The following IFT74 variants were observed in gnomAD, a reference collection of about 807,000 sequenced individuals.
IFT74 encodes intraflagellar transport protein 74 homolog.
IFT74 carries 92 observed loss-of-function variants against 96.7 expected under a neutral mutation model. The ratio of observed to expected loss-of-function variants is 0.95; its 90% CI spans 0.80 to 1.13. The LOEUF (loss-of-function observed/expected upper bound fraction) is 1.13, where lower values mean the gene tolerates loss of function less well. Among genes scored for constraint, IFT74 ranks in the 50% most tolerant of loss-of-function variants. IFT74 has a pLI of 0.00. For synonymous variants in IFT74, 223 were observed against 213.2 expected (o/e 1.05, Z -0.40); for missense variants, 811 against 698.2 (o/e 1.16, Z -1.82).
In IFT74 at chr9:27,044,719, G is replaced by T. The variant is rs143874150; in HGVS notation, c.1055-23G>T. The T allele has an allele frequency of 1.3e-4, 186 of 1,479,480 alleles. 1 individual carries two copies. The African/African-American group carries it at 1.8e-3, about 14-fold the overall frequency. The allele number at this position is 1,479,480 out of a possible 1,614,324, so 91.6% of individuals were successfully genotyped here. A position where few individuals can be genotyped will look rare whatever the true frequency, so the allele number is the denominator to read the frequency against. ...TGTATGTGCAATTTTTGAAATTCATGTTGTATTTTATATCTCTCATAGGTG... is the reference window on the plus strand; with the variant it reads ...TGTATGTGCAATTTTTGAAATTCATTTTGTATTTTATATCTCTCATAGGTG... On this transcript the variant is annotated intron_variant, in intron 13 of 19. Coordinates refer to ENST00000380062, the MANE Select transcript of IFT74 (RefSeq NM_025103.4).
intron 8 of IFT74, among the ~76,000 whole-genome samples, chr9:26,998,915 A>G (rs1007595692): frequency 1.3e-5 from 2 of 152,134 alleles, no homozygotes; most frequent in Non-Finnish European, 2.9e-5. Flanking sequence ...AATCGCTTCA[A>G]CCCAGGAGGC....
chr9:27,032,622 C>A lies in IFT74; in HGVS notation c.1054+3518C>A, dbSNP rs12005743. ...GTGGCTCACGCCTGTAATCCCAGCA[C>A]TTTGGGAGGCTGAGGCAGGCGGATC... On this transcript the variant is annotated intron_variant, in intron 13 of 19. Transcript: ENST00000380062. Among the ~76,000 whole-genome samples the A allele has an allele frequency of 9.9e-3, 1,507 of 152,130 alleles. 29 individuals carry two copies. The highest frequency in any genetic ancestry group is 0.035 in the African/African-American group (1,436 of 41,504).
At position 27,062,792 on chromosome 9, in the gene IFT74, C is replaced by A. The variant is rs535158089; in HGVS notation, c.*56C>A. 157 of 833,174 alleles carry A rather than the reference C, an allele frequency of 1.9e-4. No homozygotes were observed. The East Asian group carries it at 3.6e-3, about 19-fold the overall frequency. The allele number at this position is 833,174 out of a possible 1,614,324, so 51.6% of individuals were successfully genotyped here. ...TATCCTCTTGCTGCTAAACTTGGTA[C>A]AAGTTGACTACCAAAAAAAAAAAAA... On this transcript the variant is annotated 3_prime_UTR_variant, in exon 20 of 20. Transcript: ENST00000380062.
intron 9 of IFT74, among the ~76,000 whole-genome samples, chr9:27,010,468 A>C (rs1587347863): frequency 6.9e-6 from 1 of 145,980 alleles, no homozygotes; most frequent in Non-Finnish European, 1.5e-5. Flanking sequence ...CCATCATTCT[A>C]CTACCCCCTT....
intron 12 of IFT74, among the ~76,000 whole-genome samples, chr9:27,023,337 G>C (rs974178921): frequency 1.3e-5 from 2 of 152,124 alleles, no homozygotes; most frequent in East Asian, 1.9e-4. Context: ...TGTCTCTTCT[G>C]TGCTGATTTT....
At chr9:27,042,244 A>T (rs1819514544) in intron 13 of IFT74, among the ~76,000 whole-genome samples, 2 of 152,196 alleles carry the variant, frequency 1.3e-5, no homozygotes, top group Admixed American at 1.3e-4. Context: ...TTCTTAAACC[A>T]CAAGAATGTA....
chr9:26,978,807 GCTAATTTCCTCATTTATATTAAT>G (rs1183562955), intron 3 of IFT74, among the ~76,000 whole-genome samples: 1 of 151,850 alleles, frequency 6.6e-6, no homozygotes, highest in Non-Finnish European at 1.5e-5. Flanking sequence ...AGGAAATGAG[GCTAATTTCCTCATTTATATTAAT>G]CTAATTTCCT....
At chr9:26,990,643 T>A (rs545908262) in intron 8 of IFT74, among the ~76,000 whole-genome samples, 1 of 152,362 alleles carries the variant, frequency 6.6e-6, no homozygotes, top group South Asian at 2.1e-4. Context: ...ATTGTATGTG[T>A]GTCTTTATAT....
intron 13 of IFT74, among the ~76,000 whole-genome samples, chr9:27,035,406 A>G (rs1819125360): frequency 6.6e-6 from 1 of 152,230 alleles, no homozygotes; most frequent in Non-Finnish European, 1.5e-5. Context: ...CAATCTAGAA[A>G]TTGTTTAAAC....
At chr9:27,044,343 C>T (rs921783392) in intron 13 of IFT74, among the ~76,000 whole-genome samples, 4 of 152,042 alleles carry the variant, frequency 2.6e-5, no homozygotes, top group Non-Finnish European at 5.9e-5. Flanking sequence ...GCAGTTAGTA[C>T]CTTTTAATTT....
At chr9:27,018,616 T>TA in intron 11 of IFT74, 31 bp from the exon 12 acceptor site, 2 of 1,320,716 alleles carry the variant, frequency 1.5e-6, no homozygotes, top group Non-Finnish European at 2.1e-6. Context: ...GTTATTTTTT[T>TA]AAATACTACT....
chr9:26,984,384 A>C, intron 5 of IFT74, 29 bp downstream of exon 5: 1 of 1,578,274 alleles, frequency 6.3e-7, no homozygotes, highest in South Asian at 1.2e-5. Flanking sequence ...GTATTCATTC[A>C]GTATTTTGTG....
Position 27,048,173 on chromosome 9 carries a change from C to T in IFT74, c.1232C>T (p.Ser411Phe). The T allele has an allele frequency of 6.3e-7, 1 of 1,597,320 alleles. No individual in the cohort carries two copies. Among genetic ancestry groups the T allele is most frequent in the Non-Finnish European group, 8.6e-7 (1 of 1,167,960 alleles). Residue 411 changes from serine (S) to phenylalanine (F), a missense_variant, in exon 16 of 20, where the codon TCC becomes TTC. By Grantham distance (155) the Ser-to-Phe change is radical. Transcript: ENST00000380062. Reference protein sequence around the residue: ...SRNINRIEQISSITNQELKMM... With the variant: ...SRNINRIEQIFSITNQELKMM... Reference sequence around the variant, plus strand: ...AATATAAATCGTATAGAACAGATATCCTCTATCACCAATCAAGAGCTAAAG... The same window carrying T: ...AATATAAATCGTATAGAACAGATATTCTCTATCACCAATCAAGAGCTAAAG...
chr9:27,004,924 A>C (rs1587334505), intron 8 of IFT74, among the ~76,000 whole-genome samples: 2 of 152,302 alleles, frequency 1.3e-5, no homozygotes, highest in South Asian at 4.1e-4. Context: ...ATAAAGTTTC[A>C]AGTACATGTT....
At chr9:27,048,044 C>A (rs998303232) in intron 15 of IFT74, 104 bp from the exon 16 acceptor site, 1 of 689,110 alleles carries the variant, frequency 1.5e-6, no homozygotes, top group Non-Finnish European at 2.2e-6. Flanking sequence ...AAAAAAAATA[C>A]CTGATCCAAA....
At chr9:26,966,036 A>G (rs1297834854) in intron 2 of IFT74, among the ~76,000 whole-genome samples, 1 of 151,954 alleles carries the variant, frequency 6.6e-6, no homozygotes, top group Non-Finnish European at 1.5e-5. Flanking sequence ...GTGTATATAT[A>G]TGTATATACA....
chr9:27,023,000 A>G (rs969414756), intron 12 of IFT74, among the ~76,000 whole-genome samples: 2 of 152,162 alleles, frequency 1.3e-5, no homozygotes, highest in African/African-American at 4.8e-5. Context: ...TGATTTGTGT[A>G]CATTGATTTT....
rs1288689916 is a variant in IFT74, at chr9:27,065,884, G to T, written c.*3148G>T. On this transcript the variant is annotated 3_prime_UTR_variant, in exon 20 of 20. Coordinates refer to ENST00000380062, the MANE Select transcript of IFT74 (RefSeq NM_025103.4). ...TGTGTCTCATTTTTGTATAACTTTT[G>T]AAATAAAAGTAGATTATGTCTTAAA... Among the ~76,000 whole-genome samples, 1 of 152,080 alleles carries T rather than the reference G, an allele frequency of 6.6e-6. No homozygotes were observed. Among genetic ancestry groups the T allele is most frequent in the African/African-American group, 2.4e-5 (1 of 41,416 alleles).
At chr9:27,059,746 A>G (rs1339598498) in intron 18 of IFT74, among the ~76,000 whole-genome samples, 1 of 152,234 alleles carries the variant, frequency 6.6e-6, no homozygotes, top group Admixed American at 6.5e-5. Flanking sequence ...ATGGATCTAC[A>G]TCAAGCCTGA....
Sources: gnomAD v4.1 joint callset for allele counts (sites outside exome capture counted in the v4.1 genomes callset) on GRCh38, gnomAD v4.1.1 for gene constraint, MANE v1.5 for transcripts, NCBI Gene and HGNC (gene_info 2026-07-23, HGNC 2026-07-21) for gene names.